Variants in ZFPM2 observed in about 807,000 individuals in gnomAD.
ZFPM2 encodes zinc finger protein, FOG family member 2.
A neutral mutation model predicts 98.6 loss-of-function variants in ZFPM2; 20 were observed. The observed-to-expected ratio is 0.20, with a 90% confidence interval of 0.14 to 0.29. The LOEUF is 0.29. Among genes scored for constraint, ZFPM2 ranks in the 10% least tolerant of loss-of-function variants. The pLI is 1.00. For missense variants in ZFPM2, 1,310 were observed against 1,388.6 expected, an observed-to-expected ratio of 0.94 and a Z score of 0.90; for synonymous variants, 518 against 502.7, an observed-to-expected ratio of 1.03 and a Z score of -0.41.
intron 1 of ZFPM2, among the ~76,000 whole-genome samples, chr8:105,363,222 T>TGGA (rs2129772161): frequency 6.6e-6 from 1 of 152,282 alleles, no homozygotes; most frequent in African/African-American, 2.4e-5. Context: ...ATTTCATCTA[T>TGGA]GGATAGTAGT....
intron 5 of ZFPM2, chr8:105,662,770 T>C (rs1454246812): frequency 3.9e-5 from 6 of 151,900 alleles, no homozygotes; most frequent in Non-Finnish European, 7.4e-5. Context: ...AGCATCCACT[T>C]ACAAAGGAAT....
chr8:105,590,013 C>T (rs1418814189), intron 4 of ZFPM2, among the ~76,000 whole-genome samples: 6 of 152,312 alleles, frequency 3.9e-5, no homozygotes, highest in Middle Eastern at 6.8e-3. Context: ...AGCCACTGCT[C>T]CCGGCTTCTT....
rs1812704030 is a variant in ZFPM2 at position 105,461,492 on chromosome 8, C to T, written c.301+17111C>T. 2.0e-5 allele frequency among the ~76,000 whole-genome samples: 3 copies of T among 152,198 alleles called. No homozygotes were observed. In the South Asian group the frequency reaches 6.2e-4, roughly 32 times the overall value. On this transcript the variant is annotated intron_variant, in intron 3 of 7. Coordinates refer to ENST00000407775, the MANE Select transcript of ZFPM2 (RefSeq NM_012082.4). The stretch of plus-strand genomic sequence containing the variant: ...ATAGTCATTTTCAGAAATTCTAAAT[C>T]ATTCAAATAAAAGGGCCTAAAGGTA...
chr8:105,744,307 C>G (rs1812293425), intron 5 of ZFPM2, among the ~76,000 whole-genome samples: 1 of 152,084 alleles, frequency 6.6e-6, no homozygotes, highest in Admixed American at 6.6e-5. Context: ...ATTAGTTAAG[C>G]AGCACTCCTT....
intron 1 of ZFPM2, among the ~76,000 whole-genome samples, chr8:105,404,422 C>T (rs552434427): frequency 1.3e-5 from 2 of 152,092 alleles, no homozygotes; most frequent in South Asian, 2.1e-4. Flanking sequence ...TTCTATTTGA[C>T]GTCTTATTAC....
chr8:105,533,694 C>G (rs531374489), intron 3 of ZFPM2, among the ~76,000 whole-genome samples: 52 of 126,210 alleles, frequency 4.1e-4, no homozygotes, highest in African/African-American at 1.5e-3. Flanking sequence ...TCCGTCCTTC[C>G]CTCCCTCCCT....
intron 4 of ZFPM2, among the ~76,000 whole-genome samples, chr8:105,613,452 A>T (rs759827417): frequency 8.5e-5 from 13 of 152,212 alleles, no homozygotes; most frequent in Non-Finnish European, 1.9e-4. Flanking sequence ...AGGTGAAGAA[A>T]ATAACAAATG....
At chr8:105,682,500 C>T (rs1394255146) in intron 5 of ZFPM2, among the ~76,000 whole-genome samples, 1 of 152,092 alleles carries the variant, frequency 6.6e-6, no homozygotes, top group Admixed American at 6.6e-5. Context: ...TCAGATAGAT[C>T]CTTGTAGGCA....
chr8:105,333,031 G>A (rs1428671235), intron 1 of ZFPM2, among the ~76,000 whole-genome samples: 1 of 151,684 alleles, frequency 6.6e-6, no homozygotes, highest in Non-Finnish European at 1.5e-5. Context: ...CCTGATCAGT[G>A]TATTTTGTAT....
chr8:105,714,216 A>G (rs1214507833), intron 5 of ZFPM2, among the ~76,000 whole-genome samples: 1 of 151,760 alleles, frequency 6.6e-6, no homozygotes, highest in Non-Finnish European at 1.5e-5. Flanking sequence ...GGGGAGGGAC[A>G]GGGGGTTGCA....
intron 6 of ZFPM2, among the ~76,000 whole-genome samples, chr8:105,792,102 T>C (rs141421433): frequency 0.071 from 10,800 of 152,238 alleles, 1,322 homozygotes; most frequent in African/African-American, 0.24. Flanking sequence ...AGTTCTGCTC[T>C]GATTTTAGTT....
In ZFPM2 at chr8:105,802,002, G is replaced by A; in HGVS notation, c.1920G>A (p.Lys640=). The stretch of plus-strand genomic sequence containing the variant: ...TAGATTTAATTGGGCCAAATGGGAA[G>A]GGCCATGACAAGGACTTTTCCACTC... ...TVLDLIGPNG[K]GHDKDFSTQT... is the part of the protein sequence containing the mutation. Residue 640 remains lysine (K), a synonymous_variant, in exon 8 of 8, where the codon AAG becomes AAA. Coordinates refer to ENST00000407775, the MANE Select transcript of ZFPM2 (RefSeq NM_012082.4). 6.2e-7 allele frequency: 1 copy of A among 1,613,750 alleles called. No homozygotes were observed. Among genetic ancestry groups the A allele is most frequent in the South Asian group, 1.1e-5 (1 of 91,056 alleles).
At chr8:105,540,811 A>G (rs1236482015) in intron 3 of ZFPM2, among the ~76,000 whole-genome samples, 3 of 152,182 alleles carry the variant, frequency 2.0e-5, no homozygotes, top group Non-Finnish European at 4.4e-5. Context: ...TATGGCTGAA[A>G]GTAAGAAATC....
At chr8:105,366,062 A>C (rs1017360486) in intron 1 of ZFPM2, among the ~76,000 whole-genome samples, 4 of 152,208 alleles carry the variant, frequency 2.6e-5, no homozygotes, top group African/African-American at 9.7e-5. Flanking sequence ...ATTAAGGGTT[A>C]AAATCCAAGC....
chr8:105,323,467 T>G (rs1248563288), intron 1 of ZFPM2, among the ~76,000 whole-genome samples: 1 of 151,998 alleles, frequency 6.6e-6, no homozygotes, highest in East Asian at 1.9e-4. Context: ...TCGGAAAACC[T>G]ATTTTTACAC....
intron 3 of ZFPM2, among the ~76,000 whole-genome samples, chr8:105,474,897 A>G (rs776370628): frequency 2.6e-5 from 4 of 152,142 alleles, no homozygotes; most frequent in South Asian, 2.1e-4. Context: ...TCCCAGGCCT[A>G]TCTCCCTCTG....
intron 5 of ZFPM2, among the ~76,000 whole-genome samples, chr8:105,663,872 A>C (rs1276306521): frequency 6.6e-6 from 1 of 152,232 alleles, no homozygotes; most frequent in East Asian, 1.9e-4. Context: ...ACAGCGTTTC[A>C]ATTTTTTGAA....
chr8:105,494,717 A>C (rs550046849), intron 3 of ZFPM2, among the ~76,000 whole-genome samples: 3 of 152,328 alleles, frequency 2.0e-5, no homozygotes, highest in African/African-American at 7.2e-5. Context: ...AAAACTCAGC[A>C]TGAAGAACCA....
At chr8:105,356,280 A>G (rs1312524496) in intron 1 of ZFPM2, among the ~76,000 whole-genome samples, 6 of 152,154 alleles carry the variant, frequency 3.9e-5, no homozygotes, top group East Asian at 3.9e-4. Flanking sequence ...ACAGGTTTCT[A>G]TGTATTTGTG....
Sources: gnomAD v4.1 joint callset for allele counts (sites outside exome capture counted in the v4.1 genomes callset) on GRCh38, gnomAD v4.1.1 for gene constraint, MANE v1.5 for transcripts, NCBI Gene and HGNC (gene_info 2026-07-23, HGNC 2026-07-21) for gene names.